Variants in TXNL4A observed in about 807,000 individuals in gnomAD.
TXNL4A encodes the protein thioredoxin like 4A, also known as thioredoxin-like protein 4A.
In TXNL4A, 17 loss-of-function variants were observed where a neutral mutation model predicts 14.6. The ratio of observed to expected loss-of-function variants is 1.16; its 90% CI spans 0.80 to 1.74. TXNL4A has a LOEUF of 1.74. TXNL4A is among the 40% of genes most tolerant of loss of function. The probability of loss-of-function intolerance (pLI) is 0.00; values close to 1 mark genes in which losing one functional copy is unlikely to be tolerated. For synonymous variants in TXNL4A, 83 were observed against 70.6 expected, an observed-to-expected ratio of 1.18 and a Z score of -0.88; for missense variants, 74 against 195.2, an observed-to-expected ratio of 0.38 and a Z score of 3.70.
At chr18:79,977,036 C>G (rs1469551971) in intron 2 of TXNL4A, among the ~76,000 whole-genome samples, 1 of 152,006 alleles carries the variant, frequency 6.6e-6, no homozygotes, top group Admixed American at 6.6e-5. Context: ...TCTCGGCTAA[C>G]TGCAACCTCC....
chr18:80,024,635 C>T (rs532112644), intron 1 of TXNL4A, among the ~76,000 whole-genome samples: 2 of 152,188 alleles, frequency 1.3e-5, no homozygotes, highest in Non-Finnish European at 2.9e-5. Context: ...TGAGAATCAC[C>T]TGAGGGTGTC....
At chr18:80,025,023 T>G (rs943611459) in intron 1 of TXNL4A, among the ~76,000 whole-genome samples, 2 of 152,144 alleles carry the variant, frequency 1.3e-5, no homozygotes, top group Non-Finnish European at 2.9e-5. Context: ...AAATCACAAA[T>G]CATCATGCAA....
chr18:79,999,356 T>C (rs1274625810), intron 1 of TXNL4A, among the ~76,000 whole-genome samples: 1 of 151,906 alleles, frequency 6.6e-6, no homozygotes, highest in East Asian at 1.9e-4. Flanking sequence ...GCCGACATAG[T>C]GAAACCCCGT....
chr18:80,023,229 G>A (rs1351929677), intron 1 of TXNL4A, among the ~76,000 whole-genome samples: 1 of 152,172 alleles, frequency 6.6e-6, no homozygotes, highest in African/African-American at 2.4e-5. Context: ...GCTAAGACCT[G>A]TTTTATTAGG....
rs2051398733 is a variant in TXNL4A at position 79,977,630 on chromosome 18, T to C, written c.225A>G (p.Leu75=). 1 of 1,611,654 alleles carries C rather than the reference T, an allele frequency of 6.2e-7. No individual in the cohort carries two copies. Among genetic ancestry groups the C allele is most frequent in the South Asian group, 1.1e-5 (1 of 90,338 alleles). ...EVPDFNKMYE[L]YDPCTVMFFF... is the part of the protein sequence containing the mutation. ...AAAACATGACAGTACATGGATCGTA[T>C]AACTCATACATTTTGTTGAAGTCAG... The change falls in exon 2 of 3, where the codon TTA becomes TTG. Residue 75 remains leucine (L), a synonymous_variant. Transcript: ENST00000269601.
intron 1 of TXNL4A, 119 bp from the exon 2 acceptor site, chr18:79,977,820 G>T (rs201935661): frequency 1.8e-6 from 1 of 563,496 alleles, no homozygotes; most frequent in Non-Finnish European, 3.0e-6. Flanking sequence ...TTTTTGTTTT[G>T]TTTTTTTGAG....
At chr18:80,026,471 A>C (rs1374730731) in intron 1 of TXNL4A, among the ~76,000 whole-genome samples, 2 of 152,170 alleles carry the variant, frequency 1.3e-5, no homozygotes, top group Non-Finnish European at 2.9e-5. Flanking sequence ...TCACGTCTCC[A>C]AATATTCTAC....
At position 80,011,177 on chromosome 18, in the gene TXNL4A, C is replaced by G. The variant is rs1250578256; in HGVS notation, c.-61+22674G>C. 6.6e-6 allele frequency among the ~76,000 whole-genome samples: 1 copy of G among 152,086 alleles called. No individual in the cohort carries two copies. The highest frequency in any genetic ancestry group is 1.5e-5 in the Non-Finnish European group (1 of 68,012). On this transcript the variant is annotated intron_variant, in intron 1 of 2. Coordinates refer to the TXNL4A transcript ENST00000585474. This position sits in a 1 kb window ranked among gnomAD's most constrained non-coding sequence, Gnocchi z 4.1. ...GCAAAGGCCAAACACTAATATAAAACATATAAGGAAAAGAGGTTTTCGTAG... is the reference window on the plus strand; with the variant it reads ...GCAAAGGCCAAACACTAATATAAAAGATATAAGGAAAAGAGGTTTTCGTAG...
intron 1 of TXNL4A, among the ~76,000 whole-genome samples, chr18:80,020,048 T>A (rs890404336): frequency 1.3e-5 from 2 of 152,138 alleles, no homozygotes; most frequent in Non-Finnish European, 2.9e-5. Flanking sequence ...GTGATTGAAT[T>A]GTGGGGGCGG....
chr18:80,031,455 C>T lies in TXNL4A; in HGVS notation c.-61+2396G>A, dbSNP rs8086168. ...CCCAGGTTATGCTTGGGCACAAGGA[C>T]GAGTAATTCAGACCCTGCCAAAAAC... On this transcript the variant is annotated intron_variant, in intron 1 of 2. Coordinates refer to the TXNL4A transcript ENST00000585474. Among the ~76,000 whole-genome samples the T allele has an allele frequency of 3.7e-4, 57 of 152,250 alleles. 1 individual carries two copies. In the East Asian group the frequency reaches 9.2e-3, roughly 25 times the overall value.
chr18:80,004,163 A>T (rs1444149041), intron 1 of TXNL4A, among the ~76,000 whole-genome samples: 1 of 149,796 alleles, frequency 6.7e-6, no homozygotes, highest in Non-Finnish European at 1.5e-5. Context: ...TGTAGGCAGG[A>T]AAGTTAAGGG....
intron 1 of TXNL4A, among the ~76,000 whole-genome samples, chr18:79,994,687 A>G (rs926885644): frequency 2.6e-5 from 4 of 152,084 alleles, no homozygotes; most frequent in African/African-American, 9.7e-5. Context: ...AGGCCAACAA[A>G]CAACTCAGAA....
Position 80,029,165 on chromosome 18 carries a change from G to A in TXNL4A, c.-61+4686C>T, listed in dbSNP as rs561321346. 3.9e-5 allele frequency among the ~76,000 whole-genome samples: 6 copies of A among 152,332 alleles called. No homozygotes were observed. In the South Asian group the frequency reaches 1.2e-3, roughly 32 times the overall value. On this transcript the variant is annotated intron_variant, in intron 1 of 2. Coordinates refer to the TXNL4A transcript ENST00000585474. ...CTAATAACCATTATTCCAGTGGGAT[G>A]TCAGGTGCCCCTTATGGAATATGTC...
In TXNL4A at chr18:79,973,324, A is replaced by G. The variant is rs1426104316; in HGVS notation, c.*361T>C. On this transcript the variant is annotated 3_prime_UTR_variant, in exon 3 of 3. Transcript: ENST00000269601. ...CCCGCCTGCAAAGCTGTGAGAGCAC[A>G]CATCTCTGTTAAAGCCCAGCTCGCG... 4 of 182,526 alleles carry G rather than the reference A, an allele frequency of 2.2e-5. No homozygotes were observed. Among genetic ancestry groups the G allele is most frequent in the Non-Finnish European group, 2.3e-5 (2 of 88,072 alleles). The allele number at this position is 182,526 out of a possible 1,614,324, so 11.3% of individuals were successfully genotyped here.
At chr18:80,032,817 G>A (rs959327973) in intron 1 of TXNL4A, among the ~76,000 whole-genome samples, 4 of 152,196 alleles carry the variant, frequency 2.6e-5, no homozygotes, top group Non-Finnish European at 4.4e-5. Context: ...TCCAGCCTGG[G>A]CGGCAGAGAG....
intron 1 of TXNL4A, among the ~76,000 whole-genome samples, chr18:79,978,473 T>C (rs942374903): frequency 1.3e-5 from 2 of 152,148 alleles, no homozygotes; most frequent in Admixed American, 6.5e-5. Flanking sequence ...TCACCTCCAA[T>C]CCCAACACCT....
chr18:79,976,356 T>G (rs1316332240), intron 2 of TXNL4A, among the ~76,000 whole-genome samples: 1 of 152,184 alleles, frequency 6.6e-6, no homozygotes, highest in African/African-American at 2.4e-5. Flanking sequence ...AGAGAACCTG[T>G]GTGAAAAGTT....
chr18:80,002,471 T>G (rs545430106), intron 1 of TXNL4A, among the ~76,000 whole-genome samples: 1 of 152,240 alleles, frequency 6.6e-6, no homozygotes, highest in East Asian at 1.9e-4. Context: ...AAGAGTTGCT[T>G]ATAGAGTCCA....
chr18:79,992,052 G>T (rs1322869054), upstream of TXNL4A, among the ~76,000 whole-genome samples: 3 of 152,234 alleles, frequency 2.0e-5, no homozygotes, highest in Admixed American at 2.0e-4. Flanking sequence ...ACAGATATGT[G>T]AGAGATGAAC....
Sources: allele counts gnomAD v4.1 joint callset (sites outside exome capture counted in the v4.1 genomes callset), GRCh38; gene constraint gnomAD v4.1.1; non-coding constraint Gnocchi (gnomAD v3.1); transcripts MANE v1.5; gene names NCBI Gene and HGNC (gene_info 2026-07-23, HGNC 2026-07-21).